Variants in TFDP2 observed in about 807,000 individuals in gnomAD.
TFDP2 encodes the protein transcription factor Dp-2.
A neutral mutation model predicts 59.3 loss-of-function variants in TFDP2; 17 were observed. The observed-to-expected ratio is 0.29, with a 90% CI of 0.20 to 0.43. The LOEUF (loss-of-function observed/expected upper bound fraction) is 0.43. Among genes scored for constraint, TFDP2 ranks in the 20% least tolerant of loss-of-function variants. The probability of loss-of-function intolerance (pLI) is 1.00; values close to 1 mark genes in which losing one functional copy is unlikely to be tolerated. For synonymous variants in TFDP2, 180 were observed against 194.7 expected, an observed-to-expected ratio of 0.92 and a Z score of 0.63; for missense variants, 391 against 528.8, an observed-to-expected ratio of 0.74 and a Z score of 2.56.
At chr3:142,065,756 G>A (rs140646273) in intron 3 of TFDP2, among the ~76,000 whole-genome samples, 1 of 151,958 alleles carries the variant, frequency 6.6e-6, no homozygotes, top group East Asian at 1.9e-4. Flanking sequence ...CAAGTGATCT[G>A]CCTGCCTCGG....
chr3:142,004,458 G>A (rs1029175347), intron 4 of TFDP2, among the ~76,000 whole-genome samples: 2 of 152,160 alleles, frequency 1.3e-5, no homozygotes, highest in Non-Finnish European at 2.9e-5. Flanking sequence ...AAGAGTTATT[G>A]CTTAAATGTT....
chr3:141,987,773 GAA>G (rs112269693), intron 6 of TFDP2, among the ~76,000 whole-genome samples: 26,563 of 124,634 alleles, frequency 0.21, 2,945 homozygotes, highest in African/African-American at 0.35. Flanking sequence ...ACTAAAAATA[GAA>G]AAAAAAAAAA....
intron 3 of TFDP2, among the ~76,000 whole-genome samples, chr3:142,048,007 G>A (rs1303756158): frequency 2.0e-5 from 3 of 152,098 alleles, no homozygotes; most frequent in Admixed American, 6.5e-5. Context: ...CTCCCAAAGT[G>A]TTGGGATTAC....
intron 3 of TFDP2, among the ~76,000 whole-genome samples, chr3:142,029,466 T>G (rs1357517801): frequency 1.6e-4 from 2 of 12,718 alleles, no homozygotes; most frequent in African/African-American, 6.1e-4. Context: ...TTGTCCTGGT[T>G]TTTTTTTAAA....
chr3:142,049,466 C>T (rs764788220), intron 3 of TFDP2, among the ~76,000 whole-genome samples: 1 of 152,144 alleles, frequency 6.6e-6, no homozygotes, highest in Non-Finnish European at 1.5e-5. Context: ...TGGGAACTTA[C>T]TCAAAATGCT....
chr3:141,989,329 G>T (rs3811708), intron 6 of TFDP2: 17,748 of 152,262 alleles, frequency 0.12, 1,273 homozygotes, highest in East Asian at 0.18. Context: ...GGCCATGCTG[G>T]CAACAAGCTT....
At chr3:141,969,958 TGGC>T in intron 9 of TFDP2, 112 bp downstream of exon 9, 1 of 975,266 alleles carries the variant, frequency 1.0e-6, no homozygotes, top group South Asian at 1.3e-5. Flanking sequence ...GAGGCTGCCC[TGGC>T]GTGGGCTCAC....
rs545975241 is a variant in TFDP2, at chr3:142,002,176, G to T, written c.186+3265C>A. On this transcript the variant is annotated intron_variant, in intron 4 of 12. Coordinates refer to ENST00000489671, the MANE Select transcript of TFDP2 (RefSeq NM_001178139.2). ...TGTCCGGCTAATTTTTGTATTTTTAGTAGAGACAGGGTTTCACCATGTGGG... is the reference window on the plus strand; with the variant it reads ...TGTCCGGCTAATTTTTGTATTTTTATTAGAGACAGGGTTTCACCATGTGGG... 7.3e-4 allele frequency among the ~76,000 whole-genome samples: 111 copies of T among 151,874 alleles called. 1 individual carries two copies. The highest frequency in any genetic ancestry group is 2.7e-3 in the African/African-American group (111 of 41,434).
At chr3:142,048,153 A>G (rs1947440557) in intron 3 of TFDP2, among the ~76,000 whole-genome samples, 1 of 152,022 alleles carries the variant, frequency 6.6e-6, no homozygotes, top group African/African-American at 2.4e-5. Context: ...GGTGGCTCAC[A>G]CCTGTAATCC....
At chr3:141,996,576 G>T (rs1943292466) in intron 4 of TFDP2, among the ~76,000 whole-genome samples, 1 of 152,218 alleles carries the variant, frequency 6.6e-6, no homozygotes, top group African/African-American at 2.4e-5. Flanking sequence ...TGCAGCCAGG[G>T]TGAATCATTA....
intron 9 of TFDP2, among the ~76,000 whole-genome samples, chr3:141,966,075 G>C (rs1006027032): frequency 6.6e-6 from 1 of 151,928 alleles, no homozygotes; most frequent in African/African-American, 2.4e-5. Context: ...TGGCCCTTAT[G>C]TATTTGTGAT....
chr3:141,959,532 G>T, intron 11 of TFDP2, 142 bp downstream of exon 11: 1 of 809,012 alleles, frequency 1.2e-6, no homozygotes, highest in Non-Finnish European at 2.0e-6. Context: ...TTGAAAAAAT[G>T]GTCCTAAAGT....
intron 1 of TFDP2, among the ~76,000 whole-genome samples, chr3:142,142,572 A>G (rs967473103): frequency 2.6e-5 from 4 of 152,356 alleles, no homozygotes; most frequent in African/African-American, 9.6e-5. Context: ...CAAAATGGCA[A>G]TGACATGCTT....
chr3:141,980,626 C>A (rs1216337499), intron 6 of TFDP2, among the ~76,000 whole-genome samples: 5 of 152,058 alleles, frequency 3.3e-5, no homozygotes, highest in African/African-American at 7.2e-5. Context: ...CACTGAGAAA[C>A]CCGGGTTCAA....
chr3:142,045,584 G>T (rs1296714355), intron 3 of TFDP2, among the ~76,000 whole-genome samples: 2 of 150,158 alleles, frequency 1.3e-5, no homozygotes, highest in African/African-American at 4.9e-5. Flanking sequence ...AATTCTAGGT[G>T]GTCTCTGTCC....
intron 3 of TFDP2, among the ~76,000 whole-genome samples, chr3:142,065,135 C>T (rs2060031866): frequency 1.4e-5 from 2 of 140,606 alleles, no homozygotes; most frequent in South Asian, 4.7e-4. Context: ...GAATGGAATT[C>T]TGTTTTCAGA....
chr3:142,006,542 C>A (rs999494608), intron 3 of TFDP2, among the ~76,000 whole-genome samples: 31 of 149,618 alleles, frequency 2.1e-4, no homozygotes, highest in African/African-American at 7.7e-4. Flanking sequence ...AATCACAGGT[C>A]ACTACAGGCT....
intron 3 of TFDP2, among the ~76,000 whole-genome samples, chr3:142,017,100 C>CA (rs1306614624): frequency 3.9e-5 from 6 of 152,194 alleles, no homozygotes; most frequent in Non-Finnish European, 1.5e-5. Context: ...GCTAAGTTGA[C>CA]ACGGCAGCAG....
Position 141,960,913 on chromosome 3 carries a change from G to A in TFDP2, c.885-1073C>T, listed in dbSNP as rs80060601. ...CTGAAAGGGTTTTTGGACCTACGTC[G>A]GATAACAAGCTTGTACAAGCTACTC... On this transcript the variant is annotated intron_variant, in intron 10 of 12. Coordinates refer to ENST00000489671, the MANE Select transcript of TFDP2 (RefSeq NM_001178139.2). Among the ~76,000 whole-genome samples the A allele has an allele frequency of 9.5e-3, 1,443 of 152,182 alleles. 6 individuals are homozygous for A. Among genetic ancestry groups the A allele is most frequent in the Non-Finnish European group, 0.015 (1,040 of 68,014 alleles).
Sources: allele counts gnomAD v4.1 joint callset (sites outside exome capture counted in the v4.1 genomes callset), GRCh38; gene constraint gnomAD v4.1.1; transcripts MANE v1.5; gene names NCBI Gene and HGNC (gene_info 2026-07-23, HGNC 2026-07-21).